B3GALT1: variants seen among roughly 807,000 people sequenced by gnomAD.
The protein encoded by B3GALT1 is beta-1,3-galactosyltransferase 1, also known as UDP-Gal:betaGlcNAc beta 1,3-galactosyltransferase, polypeptide 1.
In B3GALT1, 10 loss-of-function variants were observed where a neutral mutation model predicts 23.2. The observed-to-expected ratio is 0.43, with a 90% CI of 0.27 to 0.73. B3GALT1 has a LOEUF of 0.73. Among genes scored for constraint, B3GALT1 ranks in the 30% least tolerant of loss-of-function variants. The pLI is 0.21. For synonymous variants in B3GALT1, 156 were observed against 141.5 expected (o/e 1.10, Z -0.73); for missense variants, 299 against 405.4 (o/e 0.74, Z 2.25).
intron 3 of B3GALT1, among the ~76,000 whole-genome samples, chr2:167,672,747 G>T (rs1364273495): frequency 6.6e-6 from 1 of 152,122 alleles, no homozygotes; most frequent in Non-Finnish European, 1.5e-5. Context: ...AGTAAGTGCT[G>T]TATAAGATTT....
At chr2:167,828,700 G>A (rs1359212233) in intron 4 of B3GALT1, among the ~76,000 whole-genome samples, 1 of 152,148 alleles carries the variant, frequency 6.6e-6, no homozygotes, top group Non-Finnish European at 1.5e-5. Flanking sequence ...CTTACTCTAT[G>A]CTAAGCACTG....
At chr2:167,627,822 A>G (rs570460578) in intron 2 of B3GALT1, among the ~76,000 whole-genome samples, 1 of 151,706 alleles carries the variant, frequency 6.6e-6, no homozygotes, top group Non-Finnish European at 1.5e-5. Context: ...GTTGTTCTAC[A>G]TCCTTGCCAG....
chr2:167,570,953 C>T (rs1684283154), intron 2 of B3GALT1, among the ~76,000 whole-genome samples: 1 of 151,910 alleles, frequency 6.6e-6, no homozygotes, highest in African/African-American at 2.4e-5. Context: ...TTTAGTTTCG[C>T]AAGTATAGAC....
intron 2 of B3GALT1, among the ~76,000 whole-genome samples, chr2:167,552,925 G>C (rs1683775066): frequency 6.6e-6 from 1 of 151,840 alleles, no homozygotes; most frequent in African/African-American, 2.4e-5. Flanking sequence ...TTTCTCCATT[G>C]GTCACCTTTA....
intron 3 of B3GALT1, among the ~76,000 whole-genome samples, chr2:167,657,279 G>A (rs531776994): frequency 9.9e-5 from 15 of 152,112 alleles, no homozygotes; most frequent in South Asian, 6.3e-4. Context: ...ATCAGTTTTT[G>A]ATCATTGAAT....
intron 1 of B3GALT1, among the ~76,000 whole-genome samples, chr2:167,467,314 C>T (rs1450386535): frequency 6.6e-6 from 1 of 152,108 alleles, no homozygotes; most frequent in Non-Finnish European, 1.5e-5. Context: ...TGGGTTATTA[C>T]TTCATGTAGG....
chr2:167,328,528 C>A (rs1696929056), intron 1 of B3GALT1, among the ~76,000 whole-genome samples: 1 of 152,070 alleles, frequency 6.6e-6, no homozygotes. Context: ...CTCTGAAGAT[C>A]TTTTGTATTT....
chr2:167,508,490 C>A (rs958002728), intron 2 of B3GALT1, among the ~76,000 whole-genome samples: 1 of 152,154 alleles, frequency 6.6e-6, no homozygotes, highest in East Asian at 1.9e-4. Flanking sequence ...GATCTCCTAA[C>A]CTCGTGATCC....
intron 2 of B3GALT1, among the ~76,000 whole-genome samples, chr2:167,621,887 T>G (rs545898731): frequency 1.3e-5 from 2 of 152,240 alleles, no homozygotes; most frequent in South Asian, 4.1e-4. Context: ...CTTTCCACCA[T>G]GACTGTATGT....
intron 2 of B3GALT1, among the ~76,000 whole-genome samples, chr2:167,579,448 C>CTTTTA (rs1558913471): frequency 8.8e-6 from 1 of 113,328 alleles, no homozygotes; most frequent in Non-Finnish European, 1.8e-5. Flanking sequence ...TTTTTTTTTT[C>CTTTTA]CATTTAAATT....
chr2:167,641,295 C>T (rs1454451751), intron 2 of B3GALT1, among the ~76,000 whole-genome samples: 2 of 152,124 alleles, frequency 1.3e-5, no homozygotes, highest in African/African-American at 4.8e-5. Flanking sequence ...TCCCATTTTC[C>T]CTTCAAACCA....
intron 1 of B3GALT1, among the ~76,000 whole-genome samples, chr2:167,405,925 A>G (rs1698266531): frequency 6.6e-6 from 1 of 152,186 alleles, no homozygotes. Flanking sequence ...TAAATGAAGT[A>G]TGTAAACATG....
intron 2 of B3GALT1, among the ~76,000 whole-genome samples, chr2:167,524,562 A>G (rs867858304): frequency 2.6e-5 from 4 of 152,244 alleles, no homozygotes; most frequent in Admixed American, 1.3e-4. Context: ...AAACTTTGTT[A>G]AATGAATTGC....
chr2:167,476,892 T>C (rs1226654782), intron 1 of B3GALT1, among the ~76,000 whole-genome samples: 3 of 152,178 alleles, frequency 2.0e-5, no homozygotes, highest in African/African-American at 7.2e-5. Context: ...GAAAATACTT[T>C]TTTTCTGAAT....
At chr2:167,744,693 G>A (rs1266936736) in intron 3 of B3GALT1, among the ~76,000 whole-genome samples, 4 of 152,048 alleles carry the variant, frequency 2.6e-5, no homozygotes, top group African/African-American at 4.8e-5. Flanking sequence ...CCGAGTTCAA[G>A]CGATTCTCCT....
chr2:167,491,167 T>C (rs971519455), intron 2 of B3GALT1, among the ~76,000 whole-genome samples: 3 of 152,106 alleles, frequency 2.0e-5, no homozygotes, highest in Non-Finnish European at 2.9e-5. Flanking sequence ...CCTGATTCTG[T>C]TGTGTTAGTA....
intron 1 of B3GALT1, among the ~76,000 whole-genome samples, chr2:167,400,975 C>T (rs2105289050): frequency 6.6e-6 from 1 of 152,212 alleles, no homozygotes; most frequent in Non-Finnish European, 1.5e-5. Flanking sequence ...ACTTTTTAGT[C>T]CCCTTTTTCT....
chr2:167,511,014 A>G (rs1008123405), intron 2 of B3GALT1, among the ~76,000 whole-genome samples: 2 of 152,220 alleles, frequency 1.3e-5, no homozygotes, highest in Non-Finnish European at 2.9e-5. Flanking sequence ...AATATTAATC[A>G]TGATCCTTAG....
intron 1 of B3GALT1, among the ~76,000 whole-genome samples, chr2:167,454,087 T>G (rs1000146227): frequency 1.3e-5 from 2 of 152,192 alleles, no homozygotes; most frequent in African/African-American, 4.8e-5. Context: ...CTAGGTTGTA[T>G]TTGTATATTT....
Sources: allele counts gnomAD v4.1 joint callset (sites outside exome capture counted in the v4.1 genomes callset), GRCh38; gene constraint gnomAD v4.1.1; transcripts MANE v1.5; gene names NCBI Gene and HGNC (gene_info 2026-07-23, HGNC 2026-07-21).